The following SND1 variants were observed in gnomAD, a reference collection of about 807,000 sequenced individuals.
SND1 encodes staphylococcal nuclease domain-containing protein 1.
SND1 carries 38 observed loss-of-function variants against 121.7 expected under a neutral mutation model. The observed-to-expected ratio is 0.31, with a 90% CI of 0.24 to 0.41. SND1 has a LOEUF of 0.41. SND1 is among the 10% of genes least tolerant of loss of function. The pLI, the probability that SND1 is intolerant of heterozygous loss-of-function variation, is 1.00. For synonymous variants in SND1, 401 were observed against 447.4 expected (o/e 0.90, Z 1.31); for missense variants, 868 against 1,184.6 (o/e 0.73, Z 3.92).
intron 13 of SND1, among the ~76,000 whole-genome samples, chr7:127,897,717 A>G (rs532856760): frequency 3.3e-5 from 5 of 152,174 alleles, no homozygotes; most frequent in Admixed American, 6.6e-5. Context: ...GGCATTATCT[A>G]TAGTAGTAGA....
At chr7:128,063,219 G>A (rs1362228871) in intron 16 of SND1, among the ~76,000 whole-genome samples, 3 of 152,220 alleles carry the variant, frequency 2.0e-5, no homozygotes, top group Non-Finnish European at 4.4e-5. Flanking sequence ...GTGGATGCGT[G>A]GGAGACCGGA....
At chr7:127,842,539 C>T (rs1394439926) in intron 11 of SND1, among the ~76,000 whole-genome samples, 1 of 152,100 alleles carries the variant, frequency 6.6e-6, no homozygotes, top group Non-Finnish European at 1.5e-5. Flanking sequence ...ATTCTATCTC[C>T]CCTACCTGCA....
At chr7:127,850,394 A>G (rs1042109442) in intron 12 of SND1, among the ~76,000 whole-genome samples, 1 of 152,186 alleles carries the variant, frequency 6.6e-6, no homozygotes, top group South Asian at 2.1e-4. Flanking sequence ...TGGCCTAGTC[A>G]TCTTACCCAG....
intron 16 of SND1, among the ~76,000 whole-genome samples, chr7:128,058,385 G>A (rs1394861151): frequency 6.6e-6 from 1 of 152,364 alleles, no homozygotes; most frequent in Non-Finnish European, 1.5e-5. Context: ...GTTACAGCTT[G>A]AAGAAACTGA....
At chr7:128,028,185 T>C (rs1247055041) in intron 16 of SND1, 1 of 153,034 alleles carries the variant, frequency 6.5e-6, no homozygotes, top group Non-Finnish European at 1.5e-5. Context: ...GGTGCTTTTT[T>C]TTTGTATTTT....
intron 15 of SND1, among the ~76,000 whole-genome samples, chr7:127,984,942 G>A (rs1441543290): frequency 1.3e-5 from 2 of 152,158 alleles, no homozygotes; most frequent in Admixed American, 1.3e-4. Flanking sequence ...TGGCTCCTGC[G>A]GGGATTGTGT....
intron 16 of SND1, among the ~76,000 whole-genome samples, chr7:127,993,292 G>A (rs1802562211): frequency 6.6e-6 from 1 of 152,154 alleles, no homozygotes; most frequent in Non-Finnish European, 1.5e-5. Flanking sequence ...TTTTACCTAT[G>A]TAGTACCTCC....
chr7:127,830,094 C>A (rs1798711169), intron 11 of SND1, among the ~76,000 whole-genome samples: 1 of 152,030 alleles, frequency 6.6e-6, no homozygotes, highest in South Asian at 2.1e-4. Context: ...ATCAAGAAGG[C>A]CTTGGTGGCC....
intron 16 of SND1, among the ~76,000 whole-genome samples, chr7:128,019,375 A>T (rs1803297786): frequency 6.6e-6 from 1 of 152,218 alleles, no homozygotes; most frequent in African/African-American, 2.4e-5. Context: ...CACCTCTGAG[A>T]GAAAGGGAAT....
rs552716536 is a variant in SND1, at chr7:127,672,694, G to C, written c.79-13919G>C. On this transcript the variant is annotated intron_variant, in intron 1 of 23. Coordinates refer to ENST00000354725, the MANE Select transcript of SND1 (RefSeq NM_014390.4). ...GGCAAACTCCCTTCAGATTTTGCCA[G>C]TTGCCCCAGGGTCACCTATTAGCTG... 2.0e-5 allele frequency among the ~76,000 whole-genome samples: 3 copies of C among 152,044 alleles called. No individual in the cohort carries two copies. In the East Asian group the frequency reaches 5.8e-4, roughly 29 times the overall value.
intron 16 of SND1, among the ~76,000 whole-genome samples, chr7:128,048,318 C>T (rs566969464): frequency 2.0e-5 from 3 of 148,888 alleles, no homozygotes; most frequent in Non-Finnish European, 4.4e-5. Flanking sequence ...GACAGGCTGA[C>T]ATTTGCTGAC....
chr7:127,673,768 A>G (rs893740993), intron 1 of SND1, among the ~76,000 whole-genome samples: 1 of 152,140 alleles, frequency 6.6e-6, no homozygotes, highest in African/African-American at 2.4e-5. Context: ...ATCTATTACT[A>G]TTATGTTGAT....
At chr7:127,970,195 A>G (rs1265705963) in intron 15 of SND1, among the ~76,000 whole-genome samples, 2 of 152,246 alleles carry the variant, frequency 1.3e-5, no homozygotes, top group African/African-American at 4.8e-5. Flanking sequence ...GGGAAAAGAC[A>G]TCTAAAAACA....
At chr7:127,727,399 G>A (rs1796601043) in intron 10 of SND1, among the ~76,000 whole-genome samples, 1 of 152,184 alleles carries the variant, frequency 6.6e-6, no homozygotes, top group Admixed American at 6.5e-5. Context: ...CATTAAAAGC[G>A]ATTTTCAACC....
In SND1 at chr7:127,952,683, A is replaced by AG. The variant is rs1317412046; in HGVS notation, c.1669+23354_1669+23355insG. On this transcript the variant is annotated intron_variant, in intron 15 of 23. Transcript: ENST00000354725. The stretch of plus-strand genomic sequence containing the variant: ...CATTTTTGACATGACAGTTAACAAC[A>AG]ATCTAGATTATCTCTGAAGTTGCTT... 1.4e-3 allele frequency among the ~76,000 whole-genome samples: 217 copies of AG among 152,352 alleles called. 1 individual carries two copies. Among genetic ancestry groups the AG allele is most frequent in the Non-Finnish European group, 2.5e-3 (170 of 68,036 alleles).
At chr7:127,912,782 G>C (rs528554808) in intron 14 of SND1, among the ~76,000 whole-genome samples, 1 of 152,052 alleles carries the variant, frequency 6.6e-6, no homozygotes, top group Non-Finnish European at 1.5e-5. Flanking sequence ...CATATATAGT[G>C]GGCAATAAAG....
intron 16 of SND1, among the ~76,000 whole-genome samples, chr7:128,058,479 C>T (rs974322055): frequency 6.6e-6 from 1 of 152,230 alleles, no homozygotes; most frequent in Non-Finnish European, 1.5e-5. Context: ...CTGCAGAGCT[C>T]TCACTGGGTA....
chr7:127,981,725 T>C (rs944256026), intron 15 of SND1, among the ~76,000 whole-genome samples: 2 of 152,228 alleles, frequency 1.3e-5, no homozygotes, highest in Non-Finnish European at 2.9e-5. Context: ...GCTGGTTTTG[T>C]ACATTGCCTG....
chr7:127,686,624 G>C lies in SND1; in HGVS notation c.90G>C (p.Gly30=). ...QRGIIKMVLS[G]CAIIVRGQPR... is the part of the protein sequence containing the mutation. ...TTCCCCCTACGTAGGTCCTCTCAGG[G>C]TGCGCCATCATTGTCCGAGGTCAGC... The change falls in exon 2 of 24, where the codon GGG becomes GGC. Residue 30 remains glycine (G), a synonymous_variant. Coordinates refer to ENST00000354725, the MANE Select transcript of SND1 (RefSeq NM_014390.4). 1.2e-6 allele frequency: 2 copies of C among 1,613,956 alleles called. No individual in the cohort carries two copies. Among genetic ancestry groups the C allele is most frequent in the Non-Finnish European group, 1.7e-6 (2 of 1,179,926 alleles).
Sources: allele counts gnomAD v4.1 joint callset (sites outside exome capture counted in the v4.1 genomes callset), GRCh38; gene constraint gnomAD v4.1.1; transcripts MANE v1.5; gene names NCBI Gene and HGNC (gene_info 2026-07-23, HGNC 2026-07-21).